Variants in NOTCH2NLB observed in about 807,000 individuals in gnomAD.
The protein encoded by NOTCH2NLB is notch homolog 2 N-terminal-like protein B.
In NOTCH2NLB, 1 loss-of-function variant was observed where a neutral mutation model predicts 14.8. The ratio of observed to expected loss-of-function variants is 0.07; its 90% confidence interval spans 0.02 to 0.32. The LOEUF (loss-of-function observed/expected upper bound fraction) is 0.32, where lower values mean the gene tolerates loss of function less well. Ranked by LOEUF, NOTCH2NLB falls within the 10% of genes least tolerant of loss-of-function variation. The pLI is 1.00. For missense variants in NOTCH2NLB, 11 were observed against 155.0 expected, an observed-to-expected ratio of 0.07 and a Z score of 4.93; for synonymous variants, 6 against 57.5, an observed-to-expected ratio of 0.10 and a Z score of 4.05.
the NOTCH2NLB span, among the ~76,000 whole-genome samples, chr1:148,712,486 G>A: frequency 6.6e-6 from 1 of 152,304 alleles, no homozygotes; most frequent in Non-Finnish European, 1.5e-5. Flanking sequence ...GATCTACAAT[G>A]CTATCTCTTT....
chr1:148,608,097 T>A (rs1663562235), intron 3 of NOTCH2NLB, among the ~76,000 whole-genome samples: 1 of 134,712 alleles, frequency 7.4e-6, no homozygotes, highest in Non-Finnish European at 1.5e-5. Context: ...TGTTTGAATA[T>A]CAACTTCCGG....
At chr1:148,651,156 AAAAAAAATAT>A (rs1284575834) in intron 1 of NOTCH2NLB, among the ~76,000 whole-genome samples, 1,415 of 79,646 alleles carry the variant, frequency 0.018, 4 homozygotes, top group South Asian at 0.063. Context: ...AAAAAAAAAA[AAAAAAAATAT>A]ATATATATAT....
intron 1 of NOTCH2NLB, among the ~76,000 whole-genome samples, chr1:148,654,692 T>C (rs1298778474): frequency 2.1e-5 from 2 of 93,894 alleles, no homozygotes; most frequent in Middle Eastern, 5.4e-3. Context: ...GTTTTCCTTA[T>C]GGCATTTTTA....
exon 1 of NOTCH2NLB, chr1:148,679,727 C>T: frequency 1.0e-6 from 1 of 1,002,262 alleles, no homozygotes; most frequent in South Asian, 2.5e-5. Flanking sequence ...GCCGCCGCCT[C>T]AGCCGCCCGA....
At chr1:148,648,600 TCTCTCTC>T (rs1664423320) in intron 1 of NOTCH2NLB, among the ~76,000 whole-genome samples, 1 of 129,382 alleles carries the variant, frequency 7.7e-6, no homozygotes, top group Non-Finnish European at 1.6e-5. Context: ...GGCTCACTCA[TCTCTCTC>T]TCTCCCACTT....
At chr1:148,637,735 C>A (rs1323231162) in intron 2 of NOTCH2NLB, among the ~76,000 whole-genome samples, 2 of 136,798 alleles carry the variant, frequency 1.5e-5, no homozygotes, top group Non-Finnish European at 3.2e-5. Flanking sequence ...AATGCTCTCC[C>A]TCCCCTTTCC....
intron 2 of NOTCH2NLB, among the ~76,000 whole-genome samples, chr1:148,639,215 C>A (rs1266887100): frequency 2.5e-5 from 2 of 81,078 alleles, no homozygotes; most frequent in Non-Finnish European, 4.8e-5. Context: ...CACCCAAAGC[C>A]CCTGCTCCCC....
At chr1:148,651,162 A>ATATATATATATACAT in intron 1 of NOTCH2NLB, among the ~76,000 whole-genome samples, 1 of 46,028 alleles carries the variant, frequency 2.2e-5, no homozygotes, top group African/African-American at 7.7e-5. Context: ...AAAAAAAAAA[A>ATATATATATATACAT]ATATATATAT....
rs1286073065 is a variant in NOTCH2NLB, at chr1:148,622,369, C to CAA, written c.78-6421_78-6420dup. On this transcript the variant is annotated intron_variant, in intron 2 of 4. Transcript: ENST00000593495. ...TGGGCAACAGAGCGAGACTCCCTCTCAAAAAAAAAAAAAAAATTCACAGCT... is the reference window on the plus strand; with the variant it reads ...TGGGCAACAGAGCGAGACTCCCTCTCAAAAAAAAAAAAAAAAAATTCACAGCT... Among the ~76,000 whole-genome samples the CAA allele has an allele frequency of 1.3e-3, 106 of 83,440 alleles. 2 individuals are homozygous for CAA. The highest frequency in any genetic ancestry group is 3.6e-3 in the African/African-American group (65 of 18,042). 54.7% of individuals were successfully genotyped at this position (83,440 alleles called of 152,430 possible). A position where few individuals can be genotyped will look rare whatever the true frequency, so the allele number is the denominator to read the frequency against.
At chr1:148,610,113 C>T (rs1334694382) in intron 3 of NOTCH2NLB, among the ~76,000 whole-genome samples, 11 of 140,902 alleles carry the variant, frequency 7.8e-5, no homozygotes, top group African/African-American at 1.4e-4. Flanking sequence ...CATGGTGAAA[C>T]GCCATCTTTT....
At chr1:148,620,918 CT>C (rs1313624039) in intron 2 of NOTCH2NLB, among the ~76,000 whole-genome samples, 34 of 152,358 alleles carry the variant, frequency 2.2e-4, no homozygotes, top group Admixed American at 4.6e-4. Flanking sequence ...CTAAACTTCC[CT>C]GTCGTAAAAG....
intron 3 of NOTCH2NLB, among the ~76,000 whole-genome samples, chr1:148,610,913 A>C (rs1209386449): frequency 1.1e-5 from 1 of 88,240 alleles, no homozygotes; most frequent in Non-Finnish European, 2.1e-5. Context: ...AAAAAAAAAA[A>C]GGTGATCAGA....
Position 148,670,553 on chromosome 1 carries a change from CATAT to C in NOTCH2NLB, c.3+8905_3+8908del, listed in dbSNP as rs1311446628. Among the ~76,000 whole-genome samples, 35 of 104,242 alleles carry C rather than the reference CATAT, an allele frequency of 3.4e-4. 1 individual carries two copies. Among genetic ancestry groups the C allele is most frequent in the Non-Finnish European group, 5.8e-4 (29 of 50,256 alleles). 68.4% of individuals were successfully genotyped at this position (104,242 alleles called of 152,430 possible). A position where few individuals can be genotyped will look rare whatever the true frequency, so the allele number is the denominator to read the frequency against. On this transcript the variant is annotated intron_variant, in intron 1 of 4. Coordinates refer to ENST00000593495, the Ensembl canonical transcript of NOTCH2NLB. ...CTAAAAAAAAAAATATATATATATA[CATAT>C]ATATATATATATATATATATAAATA...
In NOTCH2NLB at chr1:148,679,762, G is replaced by T; in HGVS notation, c.-298C>A. 4 of 786,054 alleles carry T rather than the reference G, an allele frequency of 5.1e-6. No homozygotes were observed. The highest frequency in any genetic ancestry group is 6.6e-6 in the Non-Finnish European group (4 of 605,382). The allele number at this position is 786,054 out of a possible 1,614,324, so 48.7% of individuals were successfully genotyped here. On this transcript the variant is annotated 5_prime_UTR_variant, in exon 1 of 5. Coordinates refer to ENST00000593495, the Ensembl canonical transcript of NOTCH2NLB. ...AAGTTTGGCTGAAACTTTCTCGGGTGTGCAGCGAAGCAGCCTCGTGTGTCC... is the reference window on the plus strand; with the variant it reads ...AAGTTTGGCTGAAACTTTCTCGGGTTTGCAGCGAAGCAGCCTCGTGTGTCC...
chr1:148,679,966 G>C (rs1256648444), upstream of NOTCH2NLB, among the ~76,000 whole-genome samples: 1 of 53,118 alleles, frequency 1.9e-5, no homozygotes, highest in Non-Finnish European at 4.1e-5. Flanking sequence ...CGGCCCCGGG[G>C]GCCGCCGCGC....
chr1:148,670,454 A>T (rs1455488349), intron 1 of NOTCH2NLB, among the ~76,000 whole-genome samples: 1 of 144,318 alleles, frequency 6.9e-6, no homozygotes, highest in Admixed American at 6.8e-5. Flanking sequence ...AAAGATTTTT[A>T]AAAATAAAAC....
At chr1:148,669,980 A>G (rs1293010574) in intron 1 of NOTCH2NLB, among the ~76,000 whole-genome samples, 1 of 38,296 alleles carries the variant, frequency 2.6e-5, no homozygotes, top group East Asian at 1.1e-3. Flanking sequence ...TTTCTCCAAC[A>G]TATTTTTTTA....
chr1:148,689,415 C>A, the NOTCH2NLB span, among the ~76,000 whole-genome samples: 2 of 138,092 alleles, frequency 1.4e-5, no homozygotes, highest in African/African-American at 5.3e-5. Flanking sequence ...TCCCTAGTAG[C>A]TGGGATTACA....
At chr1:148,605,344 A>T (rs1310315965), downstream of NOTCH2NLB, among the ~76,000 whole-genome samples, 12 of 142,164 alleles carry the variant, frequency 8.4e-5, no homozygotes, top group Non-Finnish European at 1.4e-4. Context: ...TAAGCATGGA[A>T]GTACCTGGCA....
Sources: gnomAD v4.1 joint callset for allele counts (sites outside exome capture counted in the v4.1 genomes callset) on GRCh38, gnomAD v4.1.1 for gene constraint, MANE v1.5 for transcripts, NCBI Gene and HGNC (gene_info 2026-07-23, HGNC 2026-07-21) for gene names.